SLC14A2: variants seen among roughly 807,000 people sequenced by gnomAD.
The protein encoded by SLC14A2 is urea transporter 2.
A neutral mutation model predicts 104.6 loss-of-function variants in SLC14A2; 91 were observed. The observed-to-expected ratio is 0.87, with a 90% CI of 0.73 to 1.04. The LOEUF (loss-of-function observed/expected upper bound fraction) is 1.04, where lower values mean the gene tolerates loss of function less well. Ranked by LOEUF, SLC14A2 falls within the 50% of genes least tolerant of loss-of-function variation. The pLI is 0.00. For synonymous variants in SLC14A2, 476 were observed against 466.4 expected (o/e 1.02, Z -0.27); for missense variants, 1,189 against 1,156.0 (o/e 1.03, Z -0.41).
chr18:45,504,826 C>T (rs1403405017), intron 2 of SLC14A2, among the ~76,000 whole-genome samples: 1 of 152,130 alleles, frequency 6.6e-6, no homozygotes, highest in Non-Finnish European at 1.5e-5. Context: ...TTTCTGTGGA[C>T]ATTAGTTGGA....
Position 45,682,360 on chromosome 18 carries a change from T to A in SLC14A2, c.2604T>A (p.Ala868=). The change falls in exon 20 of 20, where the codon GCT becomes GCA. Residue 868 remains alanine, a synonymous_variant. Transcript: ENST00000255226. ...GCACTTGGCCCTTCTGTCTCTCAGC[T>A]CTCACCTTCCTGCTCCTGACGACCA... ...PPCTWPFCLS[A]LTFLLLTTNN... is the part of the protein sequence containing the mutation. The A allele has an allele frequency of 1.2e-6, 2 of 1,614,072 alleles. No individual in the cohort carries two copies. The highest frequency in any genetic ancestry group is 1.7e-6 in the Non-Finnish European group (2 of 1,179,998).
intron 1 of SLC14A2, among the ~76,000 whole-genome samples, chr18:45,428,585 C>T (rs2086468226): frequency 6.6e-6 from 1 of 152,114 alleles, no homozygotes; most frequent in Non-Finnish European, 1.5e-5. Context: ...TGGGCACCCC[C>T]AGGGCACATA....
intron 2 of SLC14A2, among the ~76,000 whole-genome samples, chr18:45,605,673 A>G (rs912032528): frequency 6.6e-6 from 1 of 152,196 alleles, no homozygotes; most frequent in Non-Finnish European, 1.5e-5. Flanking sequence ...AAACTTGACC[A>G]AGGTTAAACA....
intron 1 of SLC14A2, among the ~76,000 whole-genome samples, chr18:45,426,726 CA>C (rs2086437692): frequency 6.6e-6 from 1 of 151,386 alleles, no homozygotes; most frequent in Non-Finnish European, 1.5e-5. Flanking sequence ...CACACACACA[CA>C]CACACATACA....
chr18:45,609,031 T>A (rs960151717), intron 2 of SLC14A2, among the ~76,000 whole-genome samples: 4 of 152,142 alleles, frequency 2.6e-5, no homozygotes, highest in Non-Finnish European at 5.9e-5. Flanking sequence ...TGTTGCTTCA[T>A]CCTACACAGG....
At chr18:45,649,950 G>T (rs900117359) in intron 10 of SLC14A2, among the ~76,000 whole-genome samples, 3 of 152,336 alleles carry the variant, frequency 2.0e-5, no homozygotes, top group Non-Finnish European at 2.9e-5. Flanking sequence ...CATCAATCCT[G>T]CCTCTTAATC....
At chr18:45,468,752 A>C (rs1347859609) in intron 1 of SLC14A2, among the ~76,000 whole-genome samples, 1 of 152,250 alleles carries the variant, frequency 6.6e-6, no homozygotes, top group Non-Finnish European at 1.5e-5. Flanking sequence ...TTAGGATTCA[A>C]ATGCACTGGC....
At position 45,380,375 on chromosome 18, in the gene SLC14A2, G is replaced by A. The variant is rs561814962; in HGVS notation, c.-124-102858G>A. On this transcript the variant is annotated intron_variant, in intron 1 of 20. Coordinates refer to the SLC14A2 transcript ENST00000586448. ...GAGCACACACCATGAGAAATTATGG[G>A]CATCTGAGTAAGAGAATGTTAGAAA... Among the ~76,000 whole-genome samples the A allele has an allele frequency of 5.3e-5, 8 of 152,268 alleles. No homozygotes were observed. The South Asian group carries it at 1.7e-3, about 32-fold the overall frequency.
intron 1 of SLC14A2, among the ~76,000 whole-genome samples, chr18:45,288,964 T>C (rs2084842624): frequency 6.6e-6 from 1 of 152,220 alleles, no homozygotes; most frequent in Admixed American, 6.5e-5. Flanking sequence ...CACGGCTCTT[T>C]GCCTGCTGCT....
chr18:45,243,101 G>A (rs372485441), intron 1 of SLC14A2, among the ~76,000 whole-genome samples: 4 of 152,178 alleles, frequency 2.6e-5, no homozygotes, highest in Non-Finnish European at 4.4e-5. Context: ...CTTGGCAGCC[G>A]GGAAGCTAAG....
At chr18:45,518,558 C>T (rs970038193) in intron 2 of SLC14A2, among the ~76,000 whole-genome samples, 1 of 152,176 alleles carries the variant, frequency 6.6e-6, no homozygotes, top group Non-Finnish European at 1.5e-5. Flanking sequence ...GGAGCTGAGT[C>T]ATGTCAGAGA....
intron 1 of SLC14A2, among the ~76,000 whole-genome samples, chr18:45,321,249 G>A (rs74528566): frequency 1.3e-5 from 2 of 152,216 alleles, no homozygotes; most frequent in Non-Finnish European, 2.9e-5. Flanking sequence ...GATTACTACG[G>A]GATTATTAAG....
chr18:45,547,912 G>T (rs751611498), intron 2 of SLC14A2, among the ~76,000 whole-genome samples: 1 of 152,176 alleles, frequency 6.6e-6, no homozygotes, highest in South Asian at 2.1e-4. Flanking sequence ...GGTTGGCCTG[G>T]GGTGATCAGA....
At chr18:45,467,961 C>A (rs542841362) in intron 1 of SLC14A2, among the ~76,000 whole-genome samples, 1 of 152,072 alleles carries the variant, frequency 6.6e-6, no homozygotes, top group Non-Finnish European at 1.5e-5. Flanking sequence ...CCAGGGCTCA[C>A]CAGAACTGCA....
intron 1 of SLC14A2, among the ~76,000 whole-genome samples, chr18:45,468,025 C>T (rs1053387150): frequency 7.9e-5 from 12 of 152,132 alleles, no homozygotes; most frequent in African/African-American, 2.7e-4. Flanking sequence ...GCTGCACCCT[C>T]TCCTCTACCA....
intron 1 of SLC14A2, among the ~76,000 whole-genome samples, chr18:45,357,309 A>G (rs2085564985): frequency 6.8e-6 from 1 of 147,832 alleles, no homozygotes; most frequent in African/African-American, 2.6e-5. Flanking sequence ...AGGGGGAAAT[A>G]CGGTGGAATT....
At chr18:45,277,748 T>C (rs1484509256) in intron 1 of SLC14A2, among the ~76,000 whole-genome samples, 2 of 152,158 alleles carry the variant, frequency 1.3e-5, no homozygotes, top group African/African-American at 2.4e-5. Context: ...CCTTATAAAG[T>C]TGTTTTGAAG....
chr18:45,388,375 A>G (rs116167610), intron 1 of SLC14A2, among the ~76,000 whole-genome samples: 2,927 of 152,146 alleles, frequency 0.019, 97 homozygotes, highest in African/African-American at 0.066. Context: ...CATATCTTAA[A>G]TAAACCAGGC....
At chr18:45,513,468 C>A (rs189074561) in intron 2 of SLC14A2, among the ~76,000 whole-genome samples, 1 of 152,306 alleles carries the variant, frequency 6.6e-6, no homozygotes, top group East Asian at 1.9e-4. Flanking sequence ...TGGAATGATA[C>A]TACACACTCC....
Sources: gnomAD v4.1 joint callset for allele counts (sites outside exome capture counted in the v4.1 genomes callset) on GRCh38, gnomAD v4.1.1 for gene constraint, MANE v1.5 for transcripts, NCBI Gene and HGNC (gene_info 2026-07-23, HGNC 2026-07-21) for gene names.